The following ZBTB16 variants were observed in gnomAD, a reference collection of about 807,000 sequenced individuals.
ZBTB16 encodes zinc finger and BTB domain-containing protein 16.
Under a neutral mutation model 56.8 loss-of-function variants are expected in ZBTB16, and 8 were observed. The observed-to-expected ratio is 0.14, with a 90% confidence interval of 0.08 to 0.25. The LOEUF (loss-of-function observed/expected upper bound fraction) is 0.25, where lower values mean the gene tolerates loss of function less well. Among genes scored for constraint, ZBTB16 ranks in the 10% least tolerant of loss-of-function variants. The pLI, the probability that ZBTB16 is intolerant of heterozygous loss-of-function variation, is 1.00. For missense variants in ZBTB16, 625 were observed against 903.0 expected (o/e 0.69, Z 3.95); for synonymous variants, 363 against 368.5 (o/e 0.98, Z 0.17).
In ZBTB16 at chr11:114,079,010, A is replaced by T. The variant is rs1399612284; in HGVS notation, c.1268+14442A>T. On this transcript the variant is annotated intron_variant, in intron 2 of 6. Transcript: ENST00000335953. The stretch of plus-strand genomic sequence containing the variant: ...GCCTGTAATCCCAGCTAGTCGGGAG[A>T]GGCTGAGGCAGGAAAATTGCTTGAA... 2.0e-5 allele frequency among the ~76,000 whole-genome samples: 3 copies of T among 150,926 alleles called. No homozygotes were observed. The East Asian group carries it at 5.9e-4, about 29-fold the overall frequency.
At chr11:114,161,715 C>T (rs1942594971) in intron 3 of ZBTB16, among the ~76,000 whole-genome samples, 1 of 152,110 alleles carries the variant, frequency 6.6e-6, no homozygotes, top group Non-Finnish European at 1.5e-5. Context: ...GAAGGAATAG[C>T]AAAATGATCT....
chr11:114,065,490 C>T (rs60699470), intron 2 of ZBTB16, among the ~76,000 whole-genome samples: 5 of 152,036 alleles, frequency 3.3e-5, no homozygotes, highest in African/African-American at 9.7e-5. Flanking sequence ...GATCTCTGCT[C>T]ACCGCAACCT....
intron 4 of ZBTB16, among the ~76,000 whole-genome samples, chr11:114,234,847 G>T (rs1339270339): frequency 6.6e-6 from 1 of 152,194 alleles, no homozygotes; most frequent in Non-Finnish European, 1.5e-5. Flanking sequence ...CGAGTGGATG[G>T]TACAGCCCTG....
chr11:114,153,005 G>A (rs1261096469), intron 2 of ZBTB16, among the ~76,000 whole-genome samples: 1 of 152,196 alleles, frequency 6.6e-6, no homozygotes, highest in African/African-American at 2.4e-5. Flanking sequence ...GGTCTAAAGA[G>A]GGAATAGACT....
intron 2 of ZBTB16, among the ~76,000 whole-genome samples, chr11:114,114,885 G>A (rs906745708): frequency 2.0e-5 from 3 of 151,968 alleles, no homozygotes; most frequent in African/African-American, 7.2e-5. Flanking sequence ...GTTTCGCCAT[G>A]TTGCCCAGGC....
At chr11:114,131,498 A>G (rs1175533060) in intron 2 of ZBTB16, among the ~76,000 whole-genome samples, 1 of 152,168 alleles carries the variant, frequency 6.6e-6, no homozygotes, top group African/African-American at 2.4e-5. Flanking sequence ...GTTCCACAGA[A>G]CAAATAGGGA....
chr11:114,114,002 A>C (rs889144401), intron 2 of ZBTB16, among the ~76,000 whole-genome samples: 2 of 152,236 alleles, frequency 1.3e-5, no homozygotes, highest in Non-Finnish European at 2.9e-5. Context: ...CTGATTTCTT[A>C]GTGGCAGTAA....
At chr11:114,187,109 G>T (rs765197054) in intron 4 of ZBTB16, 71 bp downstream of exon 4, 2 of 1,476,878 alleles carry the variant, frequency 1.4e-6, no homozygotes, top group Admixed American at 3.4e-5. Flanking sequence ...GAACTGTCTG[G>T]GTGGCAACCT....
chr11:114,137,674 T>C (rs1016397516), intron 2 of ZBTB16, among the ~76,000 whole-genome samples: 2 of 152,192 alleles, frequency 1.3e-5, no homozygotes, highest in Admixed American at 6.5e-5. Flanking sequence ...TGAAGTTACC[T>C]GCCTACTCTA....
At chr11:114,221,695 C>A (rs1944234892) in intron 4 of ZBTB16, among the ~76,000 whole-genome samples, 1 of 152,136 alleles carries the variant, frequency 6.6e-6, no homozygotes, top group Non-Finnish European at 1.5e-5. Context: ...TGTCTGAGAT[C>A]ATGAATGGTC....
Position 114,156,303 on chromosome 11 carries a change from G to A in ZBTB16, c.1269-34G>A, listed in dbSNP as rs376433626. The stretch of plus-strand genomic sequence containing the variant: ...TGGCCCTGCCTCTTGTCCAGCCAGA[G>A]CAGCAGCAACCTCTCTTTTCCTTTC... On this transcript the variant is annotated intron_variant, in intron 2 of 6. Transcript: ENST00000335953. The A allele has an allele frequency of 3.9e-5, 62 of 1,610,330 alleles. No homozygotes were observed. In the African/African-American group the frequency reaches 7.5e-4, roughly 19 times the overall value.
chr11:114,150,605 A>G lies in ZBTB16; in HGVS notation c.1269-5732A>G, dbSNP rs552063981. Reference sequence around the variant, plus strand: ...ACTTTGCATTCATCCCTTCCTCTTAAAATTAGAGCACAGAATGCCGTTGAC... The same window carrying G: ...ACTTTGCATTCATCCCTTCCTCTTAGAATTAGAGCACAGAATGCCGTTGAC... On this transcript the variant is annotated intron_variant, in intron 2 of 6. Transcript: ENST00000335953. Among the ~76,000 whole-genome samples, 16 of 152,352 alleles carry G rather than the reference A, an allele frequency of 1.1e-4. No homozygotes were observed. In the South Asian group the frequency reaches 3.3e-3, roughly 32 times the overall value.
At chr11:114,220,893 CAG>C (rs1198727294) in intron 4 of ZBTB16, among the ~76,000 whole-genome samples, 1 of 152,226 alleles carries the variant, frequency 6.6e-6, no homozygotes, top group Non-Finnish European at 1.5e-5. Flanking sequence ...GGACACTCCA[CAG>C]ATAATGTGGC....
chr11:114,219,224 G>A (rs1236201650), intron 4 of ZBTB16, among the ~76,000 whole-genome samples: 3 of 152,146 alleles, frequency 2.0e-5, no homozygotes, highest in Non-Finnish European at 4.4e-5. Flanking sequence ...ACATCCCCAT[G>A]GGTCAGAGTT....
At chr11:114,124,557 CAAAAAA>C (rs1381254014) in intron 2 of ZBTB16, among the ~76,000 whole-genome samples, 1 of 41,060 alleles carries the variant, frequency 2.4e-5, no homozygotes, top group Non-Finnish European at 4.9e-5. Context: ...AAAAAAAAAC[CAAAAAA>C]AAAAAAAAAC....
chr11:114,146,985 A>G (rs531831942), intron 2 of ZBTB16, among the ~76,000 whole-genome samples: 2 of 152,344 alleles, frequency 1.3e-5, no homozygotes, highest in African/African-American at 4.8e-5. Flanking sequence ...TAAAATGACA[A>G]TAATGTTTAC....
At chr11:114,214,535 T>G (rs1478601444) in intron 4 of ZBTB16, among the ~76,000 whole-genome samples, 1 of 152,158 alleles carries the variant, frequency 6.6e-6, no homozygotes, top group Non-Finnish European at 1.5e-5. Flanking sequence ...TGAAGAGAGA[T>G]TCTATATCTT....
chr11:114,149,726 T>C (rs1942237689), intron 2 of ZBTB16, among the ~76,000 whole-genome samples: 1 of 152,218 alleles, frequency 6.6e-6, no homozygotes, highest in Non-Finnish European at 1.5e-5. Context: ...GTCAAATGAC[T>C]GTCTAATCTC....
intron 3 of ZBTB16, among the ~76,000 whole-genome samples, chr11:114,171,871 G>A (rs1007714962): frequency 2.0e-5 from 3 of 152,232 alleles, no homozygotes; most frequent in African/African-American, 7.2e-5. Flanking sequence ...TGTGGTGTTT[G>A]GTTAAATTGT....
Sources: gnomAD v4.1 joint callset for allele counts (sites outside exome capture counted in the v4.1 genomes callset) on GRCh38, gnomAD v4.1.1 for gene constraint, MANE v1.5 for transcripts, NCBI Gene and HGNC (gene_info 2026-07-23, HGNC 2026-07-21) for gene names.